The following FHIT variants were observed in gnomAD, a reference collection of about 807,000 sequenced individuals.
The protein encoded by FHIT is fragile histidine triad diadenosine triphosphatase, also known as bis(5'-adenosyl)-triphosphatase.
In FHIT, 19 loss-of-function variants were observed where a neutral mutation model predicts 17.9. The ratio of observed to expected loss-of-function variants is 1.06; its 90% CI spans 0.74 to 1.56. The LOEUF is 1.56. FHIT is among the 40% of genes most tolerant of loss of function. FHIT has a pLI of 0.00. For missense variants in FHIT, 248 were observed against 189.2 expected (o/e 1.31, Z -1.82); for synonymous variants, 81 against 69.7 (o/e 1.16, Z -0.81).
chr3:60,440,823 C>T (rs2030733080), intron 5 of FHIT, among the ~76,000 whole-genome samples: 1 of 152,098 alleles, frequency 6.6e-6, no homozygotes, highest in Non-Finnish European at 1.5e-5. Context: ...TGGAACCTCT[C>T]TCCAGTTGCT....
At chr3:60,623,180 T>A (rs145406278) in intron 4 of FHIT, among the ~76,000 whole-genome samples, 3 of 152,326 alleles carry the variant, frequency 2.0e-5, no homozygotes, top group African/African-American at 7.2e-5. Flanking sequence ...GAAATAACTT[T>A]TTTAATGCAA....
intron 8 of FHIT, among the ~76,000 whole-genome samples, chr3:59,811,679 G>C (rs940306198): frequency 6.6e-6 from 1 of 152,186 alleles, no homozygotes; most frequent in African/African-American, 2.4e-5. Flanking sequence ...CACAGCGCTA[G>C]TAATTTTGAT....
At position 60,002,082 on chromosome 3, in the gene FHIT, A is replaced by G. The variant is rs148993351; in HGVS notation, c.279+9289T>C. Among the ~76,000 whole-genome samples, 326 of 152,274 alleles carry G rather than the reference A, an allele frequency of 2.1e-3. 3 individuals are homozygous for G. Among genetic ancestry groups the G allele is most frequent in the African/African-American group, 7.4e-3 (308 of 41,590 alleles). Reference sequence around the variant, plus strand: ...TTGGTGTGTTCACTTTGTTAACTCAATGTTGTTTATTCTTCTCAACCACCC... The same window carrying G: ...TTGGTGTGTTCACTTTGTTAACTCAGTGTTGTTTATTCTTCTCAACCACCC... On this transcript the variant is annotated intron_variant, in intron 7 of 9. Coordinates refer to ENST00000492590, the MANE Select transcript of FHIT (RefSeq NM_002012.4).
intron 4 of FHIT, among the ~76,000 whole-genome samples, chr3:60,707,408 A>G (rs1735461): frequency 1.2e-4 from 19 of 152,166 alleles, no homozygotes; most frequent in Non-Finnish European, 2.6e-4. Flanking sequence ...ATAGAGATGA[A>G]CTTAACAGAG....
chr3:60,231,098 G>T (rs924193300), intron 5 of FHIT, among the ~76,000 whole-genome samples: 1 of 152,154 alleles, frequency 6.6e-6, no homozygotes, highest in East Asian at 1.9e-4. Flanking sequence ...GGTCAAATAC[G>T]CCAATAAAGC....
At chr3:60,529,674 C>T (rs369856743) in intron 5 of FHIT, among the ~76,000 whole-genome samples, 191 of 152,176 alleles carry the variant, frequency 1.3e-3, no homozygotes, top group African/African-American at 4.2e-3. Context: ...CAGAATATAA[C>T]GAACAGAGTT....
intron 3 of FHIT, among the ~76,000 whole-genome samples, chr3:60,886,392 G>C (rs1705223805): frequency 6.6e-6 from 1 of 152,134 alleles, no homozygotes. Flanking sequence ...AATCTTCTTG[G>C]CTTTTCCATA....
chr3:60,453,730 T>C (rs941407467), intron 5 of FHIT, among the ~76,000 whole-genome samples: 1 of 152,206 alleles, frequency 6.6e-6, no homozygotes, highest in Non-Finnish European at 1.5e-5. Context: ...GAGATGACGA[T>C]GCAAATCTGG....
At chr3:59,841,287 C>T (rs1701524541) in intron 8 of FHIT, among the ~76,000 whole-genome samples, 1 of 152,130 alleles carries the variant, frequency 6.6e-6, no homozygotes, top group African/African-American at 2.4e-5. Context: ...AGATATGTAC[C>T]ACCCAGGTTG....
At chr3:60,087,824 CTT>C (rs961456167) in intron 5 of FHIT, among the ~76,000 whole-genome samples, 4 of 152,160 alleles carry the variant, frequency 2.6e-5, no homozygotes, top group African/African-American at 9.7e-5. Context: ...AACACTTTCC[CTT>C]GTCTTTTTTT....
At chr3:59,929,847 A>G (rs1705877149) in intron 7 of FHIT, among the ~76,000 whole-genome samples, 1 of 147,534 alleles carries the variant, frequency 6.8e-6, no homozygotes, top group South Asian at 2.2e-4. Context: ...GAGTGATACA[A>G]ATATGATACA....
chr3:59,929,852 G>T (rs1705877595), intron 7 of FHIT, among the ~76,000 whole-genome samples: 1 of 137,030 alleles, frequency 7.3e-6, no homozygotes, highest in Non-Finnish European at 1.6e-5. Flanking sequence ...ATACAAATAT[G>T]ATACACGCTT....
At chr3:60,941,906 C>T (rs1384910055) in intron 3 of FHIT, among the ~76,000 whole-genome samples, 4 of 152,204 alleles carry the variant, frequency 2.6e-5, no homozygotes, top group Admixed American at 2.6e-4. Context: ...TTGATCTGCC[C>T]TTTGCCCTGG....
At chr3:60,141,583 G>A (rs192558449) in intron 5 of FHIT, among the ~76,000 whole-genome samples, 93 of 152,200 alleles carry the variant, frequency 6.1e-4, no homozygotes, top group African/African-American at 2.1e-3. Context: ...TGTCAGTGTA[G>A]TAGCTTCTAA....
At chr3:60,208,944 T>C (rs995960234) in intron 5 of FHIT, among the ~76,000 whole-genome samples, 4 of 152,116 alleles carry the variant, frequency 2.6e-5, no homozygotes, top group African/African-American at 7.2e-5. Flanking sequence ...CTAGGTGGCA[T>C]TGGGGTGACA....
At chr3:60,214,512 A>G (rs1349261336) in intron 5 of FHIT, among the ~76,000 whole-genome samples, 1 of 152,176 alleles carries the variant, frequency 6.6e-6, no homozygotes, top group Non-Finnish European at 1.5e-5. Flanking sequence ...TCTAAAAGCC[A>G]CACCATGCTG....
At chr3:60,030,730 G>T (rs1472980718) in intron 5 of FHIT, among the ~76,000 whole-genome samples, 4 of 152,152 alleles carry the variant, frequency 2.6e-5, no homozygotes, top group Non-Finnish European at 5.9e-5. Flanking sequence ...ATGGATGGAT[G>T]GCTGGGATGC....
chr3:60,530,096 G>T (rs1469213361), intron 5 of FHIT, among the ~76,000 whole-genome samples: 2 of 152,282 alleles, frequency 1.3e-5, no homozygotes, highest in Non-Finnish European at 2.9e-5. Context: ...GCACAGCACG[G>T]TCTGGGGCTA....
intron 3 of FHIT, among the ~76,000 whole-genome samples, chr3:60,875,236 C>T (rs782546335): frequency 6.6e-6 from 1 of 152,198 alleles, no homozygotes; most frequent in Non-Finnish European, 1.5e-5. Context: ...ATGCTTACTA[C>T]TTGTCCAACA....
Sources: gnomAD v4.1 joint callset for allele counts (sites outside exome capture counted in the v4.1 genomes callset) on GRCh38, gnomAD v4.1.1 for gene constraint, MANE v1.5 for transcripts, NCBI Gene and HGNC (gene_info 2026-07-23, HGNC 2026-07-21) for gene names.